The following HSD17B12 variants were observed in gnomAD, a reference collection of about 807,000 sequenced individuals.
HSD17B12 encodes the protein hydroxysteroid 17-beta dehydrogenase 12, also known as very-long-chain 3-oxoacyl-CoA reductase.
A neutral mutation model predicts 39.3 loss-of-function variants in HSD17B12; 32 were observed. That is an observed-to-expected ratio of 0.81 (90% confidence interval 0.61 to 1.09). The LOEUF is 1.09. HSD17B12 is among the 50% of genes least tolerant of loss of function. The pLI is 0.00. For missense variants in HSD17B12, 342 were observed against 382.9 expected, an observed-to-expected ratio of 0.89 and a Z score of 0.89; for synonymous variants, 150 against 146.7, an observed-to-expected ratio of 1.02 and a Z score of -0.16.
intron 1 of HSD17B12, among the ~76,000 whole-genome samples, chr11:43,732,713 T>C (rs976413627): frequency 2.1e-4 from 32 of 152,112 alleles, no homozygotes; most frequent in Non-Finnish European, 4.0e-4. Context: ...TCCTTCTGCG[T>C]TGGCTTCTCA....
the HSD17B12 span, among the ~76,000 whole-genome samples, chr11:43,623,662 G>A: frequency 1.3e-5 from 2 of 151,842 alleles, no homozygotes; most frequent in South Asian, 2.1e-4. Context: ...GGGGTAAAAC[G>A]CTTTTATTTG....
At chr11:43,804,595 C>A (rs1025012508) in intron 4 of HSD17B12, among the ~76,000 whole-genome samples, 2 of 152,064 alleles carry the variant, frequency 1.3e-5, no homozygotes, top group African/African-American at 4.8e-5. Context: ...GGTGTCCTTC[C>A]TTTTTCAGCT....
rs1275375999 is a variant in HSD17B12, at chr11:43,844,074, CTT to C, written c.684+4012_684+4013del. Among the ~76,000 whole-genome samples, 17 of 152,260 alleles carry C rather than the reference CTT, an allele frequency of 1.1e-4. No homozygotes were observed. In the South Asian group the frequency reaches 1.7e-3, roughly 15 times the overall value. ...GCTCCTGGCCTTGAATTTTCAGCCTCTTTATCTGAATGGCTTCTAGACTAATG... is the reference window on the plus strand; with the variant it reads ...GCTCCTGGCCTTGAATTTTCAGCCTCTATCTGAATGGCTTCTAGACTAATG... On this transcript the variant is annotated intron_variant, in intron 9 of 10. Coordinates refer to ENST00000278353, the MANE Select transcript of HSD17B12 (RefSeq NM_016142.3).
At chr11:43,749,940 C>T (rs373909842) in intron 1 of HSD17B12, among the ~76,000 whole-genome samples, 2 of 151,914 alleles carry the variant, frequency 1.3e-5, no homozygotes, top group African/African-American at 2.4e-5. Context: ...TTCTAGTATT[C>T]CAGAGATAAG....
At chr11:43,611,726 G>T in the HSD17B12 span, among the ~76,000 whole-genome samples, 1 of 152,182 alleles carries the variant, frequency 6.6e-6, no homozygotes, top group African/African-American at 2.4e-5. Context: ...AGGATCTGAT[G>T]TGGGGTGATT....
chr11:43,617,073 AT>A, the HSD17B12 span, among the ~76,000 whole-genome samples: 1 of 152,226 alleles, frequency 6.6e-6, no homozygotes, highest in South Asian at 2.1e-4. Context: ...ATACTTGGCA[AT>A]TAAAGAGATG....
rs2134765098 is a variant in HSD17B12 at position 43,685,043 on chromosome 11, A to G, written c.160+4056A>G. On this transcript the variant is annotated intron_variant, in intron 1 of 10. Coordinates refer to ENST00000278353, the MANE Select transcript of HSD17B12 (RefSeq NM_016142.3). ...GAAATCTGTACTTCATTTTGTTTGTATTGCTGAATAATATTCTGTTTTGTG... is the reference window on the plus strand; with the variant it reads ...GAAATCTGTACTTCATTTTGTTTGTGTTGCTGAATAATATTCTGTTTTGTG... Among the ~76,000 whole-genome samples the G allele has an allele frequency of 2.0e-5, 3 of 152,192 alleles. 1 individual carries two copies. The Middle Eastern group carries it at 0.01, about 518-fold the overall frequency.
At chr11:43,658,774 C>T in the HSD17B12 span, among the ~76,000 whole-genome samples, 1 of 152,148 alleles carries the variant, frequency 6.6e-6, no homozygotes, top group Non-Finnish European at 1.5e-5. Context: ...AGACGAGTAC[C>T]CGGCCGTGTG....
intron 3 of HSD17B12, among the ~76,000 whole-genome samples, chr11:43,757,181 C>T (rs1950513883): frequency 6.6e-6 from 1 of 152,122 alleles, no homozygotes; most frequent in Admixed American, 6.5e-5. Flanking sequence ...TTAATATTGT[C>T]AAAGACAGAC....
chr11:43,590,506 A>ATGTTTTTTTTTTTTTTTTTTTTTTTTTTT, the HSD17B12 span, among the ~76,000 whole-genome samples: 1 of 51,610 alleles, frequency 1.9e-5, no homozygotes, highest in African/African-American at 7.0e-5. Context: ...GGAGTGAGTG[A>ATGTTTTTTTTTTTTTTTTTTTTTTTTTTT]TTTTTTTTTT....
chr11:43,848,425 C>T (rs949131594), intron 9 of HSD17B12: 3 of 152,108 alleles, frequency 2.0e-5, no homozygotes, highest in African/African-American at 7.2e-5. Flanking sequence ...AGTTGGTTAC[C>T]TCAACAGTCA....
At chr11:43,640,422 T>C in the HSD17B12 span, among the ~76,000 whole-genome samples, 1 of 152,156 alleles carries the variant, frequency 6.6e-6, no homozygotes, top group Admixed American at 6.5e-5. Context: ...AGCAGTATAA[T>C]CGTTTTTAAA....
chr11:43,708,943 T>C (rs1950039765), intron 1 of HSD17B12, among the ~76,000 whole-genome samples: 2 of 152,344 alleles, frequency 1.3e-5, no homozygotes, highest in South Asian at 4.1e-4. Context: ...CAAATGAGAT[T>C]TCACCTTTTT....
At chr11:43,812,318 C>G (rs1951080818) in intron 4 of HSD17B12, among the ~76,000 whole-genome samples, 1 of 152,160 alleles carries the variant, frequency 6.6e-6, no homozygotes, top group South Asian at 2.1e-4. Context: ...AGTGGCTATA[C>G]TAATTTACAT....
chr11:43,768,323 A>G (rs1263655152), intron 3 of HSD17B12, among the ~76,000 whole-genome samples: 1 of 152,200 alleles, frequency 6.6e-6, no homozygotes, highest in Non-Finnish European at 1.5e-5. Flanking sequence ...GATATATACA[A>G]TAATTTTTCC....
At chr11:43,614,427 C>T in the HSD17B12 span, among the ~76,000 whole-genome samples, 1 of 152,022 alleles carries the variant, frequency 6.6e-6, no homozygotes, top group Non-Finnish European at 1.5e-5. Flanking sequence ...CAAGATTTTT[C>T]TTTTCTTCCC....
intron 3 of HSD17B12, among the ~76,000 whole-genome samples, chr11:43,778,082 C>A (rs1406806041): frequency 2.0e-5 from 3 of 151,800 alleles, no homozygotes; most frequent in Admixed American, 6.6e-5. Flanking sequence ...ATTGATAAAC[C>A]GCTAGCAAGA....
intron 1 of HSD17B12, among the ~76,000 whole-genome samples, chr11:43,718,496 T>A (rs1287054618): frequency 1.3e-5 from 2 of 152,064 alleles, no homozygotes; most frequent in East Asian, 3.9e-4. Flanking sequence ...CTGTCTCCCA[T>A]CCCCCATCCA....
At chr11:43,789,122 CCTACT>C (rs997301608) in intron 3 of HSD17B12, among the ~76,000 whole-genome samples, 2 of 152,188 alleles carry the variant, frequency 1.3e-5, no homozygotes, top group African/African-American at 2.4e-5. Flanking sequence ...AGGGTCAATT[CCTACT>C]CTTCACCAAA....
Sources: allele counts gnomAD v4.1 joint callset (sites outside exome capture counted in the v4.1 genomes callset), GRCh38; gene constraint gnomAD v4.1.1; transcripts MANE v1.5; gene names NCBI Gene and HGNC (gene_info 2026-07-23, HGNC 2026-07-21).